Variants in SLC9B2 observed in about 807,000 individuals in gnomAD.
SLC9B2 encodes solute carrier family 9 member B2, also known as sodium/hydrogen exchanger 9B2.
SLC9B2 carries 39 observed loss-of-function variants against 52.2 expected under a neutral mutation model. That is an observed-to-expected ratio of 0.75 (90% CI 0.58 to 0.98). The LOEUF (loss-of-function observed/expected upper bound fraction) is 0.98. SLC9B2 is among the 50% of genes least tolerant of loss of function. SLC9B2 has a pLI of 0.00. For missense variants in SLC9B2, 626 were observed against 637.5 expected (o/e 0.98, Z 0.19); for synonymous variants, 214 against 227.0 (o/e 0.94, Z 0.51).
At chr4:103,019,634 G>A (rs1209351402), downstream of SLC9B2, 1 of 985,476 alleles carries the variant, frequency 1.0e-6, no homozygotes, top group Non-Finnish European at 1.2e-6. Context: ...TGGCCCGGGA[G>A]CGGCCCAGGA....
chr4:103,028,509 G>C (rs1742416745), intron 11 of SLC9B2, among the ~76,000 whole-genome samples: 1 of 151,940 alleles, frequency 6.6e-6, no homozygotes, highest in Non-Finnish European at 1.5e-5. Context: ...AGTAGAATAG[G>C]GATTTACTGG....
At chr4:103,020,910 G>A (rs182105941), downstream of SLC9B2, among the ~76,000 whole-genome samples, 1 of 152,128 alleles carries the variant, frequency 6.6e-6, no homozygotes, top group South Asian at 2.1e-4. Flanking sequence ...TTACAAGCGT[G>A]AGCCACCACA....
At position 103,057,955 on chromosome 4, in the gene SLC9B2, A is replaced by G. The variant is rs764647000; in HGVS notation, c.288T>C (p.Leu96=). Residue 96 remains leucine, a synonymous_variant, in exon 4 of 12, where the codon CTT becomes CTC. Transcript: ENST00000394785. ...TAATTGACCAAACTACAGCCCACAG[A>G]AGAACAATGATGGTAACTGAAATAA... The part of the protein sequence containing the change: ...RVITNVTIIV[L]LWAVVWSITG... 2 of 1,610,488 alleles carry G rather than the reference A, an allele frequency of 1.2e-6. No individual in the cohort carries two copies. The highest frequency in any genetic ancestry group is 1.7e-5 in the Admixed American group (1 of 58,784).
intron 9 of SLC9B2, among the ~76,000 whole-genome samples, chr4:103,032,860 C>T (rs140920106): frequency 1.3e-5 from 2 of 152,298 alleles, no homozygotes; most frequent in East Asian, 3.9e-4. Context: ...CTTCTCTAGG[C>T]TCTAACAGAG....
At position 103,026,459 on chromosome 4, in the gene SLC9B2, T is replaced by C; in HGVS notation, c.1525A>G (p.Ile509Val). Reference protein sequence around the residue: ...LITAPIGSLLIGLLGPRLLQK... With the variant: ...LITAPIGSLLVGLLGPRLLQK... Reference sequence around the variant, plus strand: ...AGAAGCCTGGGGCCCAGTAAACCAATAAGCAGACTTCCAATTGGGGCTGTG... The same window carrying C: ...AGAAGCCTGGGGCCCAGTAAACCAACAAGCAGACTTCCAATTGGGGCTGTG... The change falls in exon 12 of 12, where the codon ATT (isoleucine) becomes GTT (valine). Residue 509 changes from isoleucine (I) to valine (V), a missense_variant. Coordinates refer to ENST00000394785, the MANE Select transcript of SLC9B2 (RefSeq NM_178833.7). 2 of 1,613,878 alleles carry C rather than the reference T, an allele frequency of 1.2e-6. No individual in the cohort carries two copies. The highest frequency in any genetic ancestry group is 1.7e-6 in the Non-Finnish European group (2 of 1,179,872).
At chr4:103,061,742 T>C (rs1745663287) in intron 3 of SLC9B2, among the ~76,000 whole-genome samples, 1 of 152,054 alleles carries the variant, frequency 6.6e-6, no homozygotes, top group Admixed American at 6.5e-5. Context: ...CCTCTGCTAC[T>C]TACACTTTGG....
chr4:103,042,948 G>T (rs773243724), intron 9 of SLC9B2, among the ~76,000 whole-genome samples: 1 of 151,846 alleles, frequency 6.6e-6, no homozygotes, highest in Non-Finnish European at 1.5e-5. Flanking sequence ...GACAGACTCA[G>T]ATGAAATATG....
intron 3 of SLC9B2, 92 bp from the exon 4 acceptor site, chr4:103,058,063 A>G: frequency 8.7e-7 from 1 of 1,154,342 alleles, no homozygotes; most frequent in South Asian, 1.5e-5. Context: ...ATAAATACTG[A>G]ATGAAAATGC....
chr4:103,075,301 C>T (rs1661116071), intron 1 of SLC9B2, among the ~76,000 whole-genome samples: 1 of 152,110 alleles, frequency 6.6e-6, no homozygotes, highest in African/African-American at 2.4e-5. Context: ...GGGCGTGCAC[C>T]ACCATGCCCA....
chr4:103,042,818 T>A (rs888688676), intron 9 of SLC9B2, among the ~76,000 whole-genome samples: 1 of 151,762 alleles, frequency 6.6e-6, no homozygotes. Context: ...TTTTATTTAT[T>A]TTAAGACACA....
intron 6 of SLC9B2, among the ~76,000 whole-genome samples, chr4:103,047,592 T>C (rs1744285743): frequency 1.5e-5 from 2 of 131,344 alleles, no homozygotes; most frequent in Non-Finnish European, 3.2e-5. Context: ...CCCCTTCCTG[T>C]GTCCATGTGT....
At chr4:103,028,674 C>G (rs902121263) in intron 11 of SLC9B2, 73 bp downstream of exon 11, 158 of 1,467,330 alleles carry the variant, frequency 1.1e-4, no homozygotes, top group Non-Finnish European at 1.3e-4. Flanking sequence ...TTTAAACAAG[C>G]CCTCTTATTC....
intron 3 of SLC9B2, among the ~76,000 whole-genome samples, chr4:103,064,735 T>C (rs939159542): frequency 1.3e-5 from 2 of 152,160 alleles, no homozygotes; most frequent in African/African-American, 2.4e-5. Flanking sequence ...TATTGAAACA[T>C]CATATTGTAC....
chr4:103,064,094 C>CA (rs1323845426), intron 3 of SLC9B2, among the ~76,000 whole-genome samples: 1 of 151,990 alleles, frequency 6.6e-6, no homozygotes, highest in African/African-American at 2.4e-5. Context: ...GGAGAGTCCT[C>CA]AAAAAAGTAA....
chr4:103,020,253 GTTT>G, downstream of SLC9B2: 6 of 387,826 alleles, frequency 1.5e-5, no homozygotes, highest in Admixed American at 3.7e-5. Flanking sequence ...ACCTTTGTGA[GTTT>G]TTTTTTTTTT....
intron 9 of SLC9B2, among the ~76,000 whole-genome samples, chr4:103,042,606 T>G (rs1202366514): frequency 1.3e-5 from 2 of 151,290 alleles, no homozygotes; most frequent in Non-Finnish European, 3.0e-5. Flanking sequence ...TGAGATATAT[T>G]TTTAATTCAT....
Position 103,059,753 on chromosome 4 carries a change from T to G in SLC9B2, c.272-1782A>C, listed in dbSNP as rs149285826. Among the ~76,000 whole-genome samples, 299 of 152,334 alleles carry G rather than the reference T, an allele frequency of 2.0e-3. 1 individual carries two copies. Among genetic ancestry groups the G allele is most frequent in the African/African-American group, 6.6e-3 (274 of 41,578 alleles). On this transcript the variant is annotated intron_variant, in intron 3 of 11. Coordinates refer to ENST00000394785, the MANE Select transcript of SLC9B2 (RefSeq NM_178833.7). ...CAAATTCCATACACTCTAACAAAATTCTATTTACCATTGCATATGAGCTAA... is the reference window on the plus strand; with the variant it reads ...CAAATTCCATACACTCTAACAAAATGCTATTTACCATTGCATATGAGCTAA...
intron 4 of SLC9B2, among the ~76,000 whole-genome samples, chr4:103,052,325 G>A (rs1744760209): frequency 6.6e-6 from 1 of 152,236 alleles, no homozygotes; most frequent in Non-Finnish European, 1.5e-5. Flanking sequence ...GCAGAGCTCA[G>A]GCAGTAATGC....
chr4:103,069,592 C>A (rs1746441812), intron 1 of SLC9B2, among the ~76,000 whole-genome samples: 1 of 152,178 alleles, frequency 6.6e-6, no homozygotes, highest in Non-Finnish European at 1.5e-5. Flanking sequence ...TTTGCTTTCC[C>A]TATTAAGCAA....
Sources: allele counts gnomAD v4.1 joint callset (sites outside exome capture counted in the v4.1 genomes callset), GRCh38; gene constraint gnomAD v4.1.1; transcripts MANE v1.5; gene names NCBI Gene and HGNC (gene_info 2026-07-23, HGNC 2026-07-21).